Variants in PTPN3 observed in about 807,000 individuals in gnomAD.
PTPN3 encodes tyrosine-protein phosphatase non-receptor type 3.
A neutral mutation model predicts 132.7 loss-of-function variants in PTPN3; 96 were observed. The observed-to-expected ratio is 0.72, with a 90% CI of 0.61 to 0.86. The LOEUF is 0.86. Ranked by LOEUF, PTPN3 falls within the 40% of genes least tolerant of loss-of-function variation. The pLI, the probability that PTPN3 is intolerant of heterozygous loss-of-function variation, is 0.00. For missense variants in PTPN3, 1,125 were observed against 1,159.6 expected (o/e 0.97, Z 0.43); for synonymous variants, 398 against 429.0 (o/e 0.93, Z 0.89).
chr9:109,397,308 G>T (rs976142192), intron 19 of PTPN3, among the ~76,000 whole-genome samples: 1 of 152,218 alleles, frequency 6.6e-6, no homozygotes, highest in Non-Finnish European at 1.5e-5. Flanking sequence ...CATAGTAGGT[G>T]CTCAATAAAA....
intron 1 of PTPN3, among the ~76,000 whole-genome samples, chr9:109,473,506 G>A (rs1187573260): frequency 6.6e-6 from 1 of 152,184 alleles, no homozygotes; most frequent in Admixed American, 6.5e-5. Context: ...AGAAGTAGTA[G>A]TTTTAAGCTC....
chr9:109,482,743 T>C (rs2132104868), intron 1 of PTPN3, among the ~76,000 whole-genome samples: 3 of 152,244 alleles, frequency 2.0e-5, no homozygotes, highest in Middle Eastern at 6.8e-3. Flanking sequence ...TTTTAATCCA[T>C]ACCTGGACCC....
At chr9:109,463,525 A>G in intron 1 of PTPN3, 74 bp from the exon 2 acceptor site, 1 of 1,375,436 alleles carries the variant, frequency 7.3e-7, no homozygotes, top group South Asian at 1.4e-5. Flanking sequence ...GATACCTGTC[A>G]GATCCCATCC....
chr9:109,447,356 G>A lies in PTPN3; in HGVS notation c.413+1455C>T, dbSNP rs376106473. 2.6e-5 allele frequency among the ~76,000 whole-genome samples: 4 copies of A among 152,230 alleles called. No homozygotes were observed. The East Asian group carries it at 7.7e-4, about 29-fold the overall frequency. ...GAGAAGGAAAGAATGGGTTTCTGCA[G>A]CTGCTAAGGACAGCCTGGACCCAGG... On this transcript the variant is annotated intron_variant, in intron 6 of 25. Transcript: ENST00000374541.
chr9:109,470,576 G>T (rs1846329253), intron 1 of PTPN3, among the ~76,000 whole-genome samples: 2 of 151,624 alleles, frequency 1.3e-5, no homozygotes, highest in Admixed American at 6.6e-5. Flanking sequence ...CCTGTCTGTA[G>T]TCCTAGGTAT....
the PTPN3 span, among the ~76,000 whole-genome samples, chr9:109,517,881 G>T: frequency 6.6e-6 from 1 of 152,200 alleles, no homozygotes; most frequent in Admixed American, 6.5e-5. Context: ...AAGCTGGGTA[G>T]GATGAGAGAG....
intron 12 of PTPN3, among the ~76,000 whole-genome samples, chr9:109,424,325 G>C (rs543592260): frequency 6.6e-6 from 1 of 152,344 alleles, no homozygotes; most frequent in East Asian, 1.9e-4. Context: ...GAGGTAATGA[G>C]ACTTGAAATT....
the PTPN3 span, among the ~76,000 whole-genome samples, chr9:109,508,043 C>T: frequency 6.6e-6 from 1 of 152,136 alleles, no homozygotes; most frequent in Non-Finnish European, 1.5e-5. Flanking sequence ...ATTCGACTGT[C>T]TCTGCCTGTT....
intron 24 of PTPN3, 49 bp from the exon 25 acceptor site, chr9:109,381,836 C>T (rs1461689843): frequency 6.2e-7 from 1 of 1,609,188 alleles, no homozygotes. Flanking sequence ...AGTAGCCTTT[C>T]TGCATGGCCC....
the PTPN3 span, among the ~76,000 whole-genome samples, chr9:109,512,181 C>G: frequency 6.6e-6 from 1 of 152,134 alleles, no homozygotes; most frequent in African/African-American, 2.4e-5. Flanking sequence ...TCCACCTGGC[C>G]GTGCATCAGA....
Position 109,391,455 on chromosome 9 carries a change from C to T in PTPN3, c.2044+16G>A. On this transcript the variant is annotated intron_variant, in intron 20 of 25. Transcript: ENST00000374541. The stretch of plus-strand genomic sequence containing the variant: ...TCAGTGTAGGGGGGAAGGAGGCATT[C>T]ATGCCGGATACTCACAAGGCAGCAC... 6.3e-7 allele frequency: 1 copy of T among 1,597,832 alleles called. No homozygotes were observed. The highest frequency in any genetic ancestry group is 1.1e-5 in the South Asian group (1 of 90,264).
chr9:109,505,005 G>A, the PTPN3 span, among the ~76,000 whole-genome samples: 1 of 152,218 alleles, frequency 6.6e-6, no homozygotes, highest in Admixed American at 6.5e-5. Context: ...CCTAGGTAAT[G>A]TAGAATAGTC....
intron 19 of PTPN3, among the ~76,000 whole-genome samples, chr9:109,396,915 C>G (rs138799748): frequency 6.6e-6 from 1 of 152,204 alleles, no homozygotes. Context: ...ACTCACATCC[C>G]TCAGGTGAGA....
chr9:109,479,674 G>A (rs894851218), intron 1 of PTPN3, among the ~76,000 whole-genome samples: 7 of 152,260 alleles, frequency 4.6e-5, no homozygotes, highest in Middle Eastern at 3.4e-3. Context: ...CCGCCTCCCA[G>A]GCTCAATGGA....
At chr9:109,442,903 G>A (rs553936880) in intron 7 of PTPN3, among the ~76,000 whole-genome samples, 16 of 152,184 alleles carry the variant, frequency 1.1e-4, no homozygotes, top group Admixed American at 9.2e-4. Context: ...CTCAGCCAGG[G>A]ATGGTCCAAC....
Position 109,420,585 on chromosome 9 carries a change from G to T in PTPN3, c.1152C>A (p.Leu384=), listed in dbSNP as rs142016536. 16 of 1,609,148 alleles carry T rather than the reference G, an allele frequency of 9.9e-6. No individual in the cohort carries two copies. In the East Asian group the frequency reaches 3.6e-4, roughly 36 times the overall value. ...GGCGTGGCTTTCGGATTTCGTGCCG[G>T]AGCCGAGGACTTCGCCTGGGTGGGA... is the stretch of plus-strand genomic sequence containing the variant. ...PITPNWRSPR[L]RHEIRKPRHS... is the part of the protein sequence containing the mutation. The change falls in exon 14 of 26, where the codon CTC becomes CTA. Residue 384 remains leucine, a synonymous_variant. Coordinates refer to ENST00000374541, the MANE Select transcript of PTPN3 (RefSeq NM_002829.4).
intron 15 of PTPN3, 59 bp from the exon 16 acceptor site, chr9:109,410,135 A>G: frequency 1.2e-6 from 2 of 1,613,698 alleles, no homozygotes; most frequent in Middle Eastern, 1.7e-4. Flanking sequence ...AGTTGGTGAT[A>G]AGATATTTTC....
At chr9:109,417,546 C>A (rs56257396) in intron 14 of PTPN3, 123 of 666,064 alleles carry the variant, frequency 1.8e-4, no homozygotes, top group East Asian at 3.0e-4. Flanking sequence ...TTTTTTTTTT[C>A]TTTTTTTCTC....
At chr9:109,455,336 C>T (rs1258645255) in intron 4 of PTPN3, among the ~76,000 whole-genome samples, 1 of 152,156 alleles carries the variant, frequency 6.6e-6, no homozygotes. Context: ...GCTAAGATCC[C>T]AAGATCTTCA....
Sources: allele counts gnomAD v4.1 joint callset (sites outside exome capture counted in the v4.1 genomes callset), GRCh38; gene constraint gnomAD v4.1.1; transcripts MANE v1.5; gene names NCBI Gene and HGNC (gene_info 2026-07-23, HGNC 2026-07-21).